The following PKN2 variants were observed in gnomAD, a reference collection of about 807,000 sequenced individuals.
PKN2 encodes protein kinase N2.
Under a neutral mutation model 119.1 loss-of-function variants are expected in PKN2, and 38 were observed. The ratio of observed to expected loss-of-function variants is 0.32; its 90% CI spans 0.25 to 0.42. PKN2 has a LOEUF of 0.42. Ranked by LOEUF, PKN2 falls within the 10% of genes least tolerant of loss-of-function variation. The pLI is 1.00. For missense variants in PKN2, 850 were observed against 1,165.1 expected (o/e 0.73, Z 3.94); for synonymous variants, 390 against 384.9 (o/e 1.01, Z -0.15).
chr1:88,728,700 G>A (rs1667998669), intron 1 of PKN2, among the ~76,000 whole-genome samples: 2 of 152,066 alleles, frequency 1.3e-5, no homozygotes, highest in Admixed American at 1.3e-4. Flanking sequence ...GATGGTAGAT[G>A]GTAGGAGCCA....
intron 1 of PKN2, among the ~76,000 whole-genome samples, chr1:88,734,515 G>T (rs191867382): frequency 6.6e-6 from 1 of 152,240 alleles, no homozygotes; most frequent in Non-Finnish European, 1.5e-5. Context: ...GTAGATAGAT[G>T]ATTTATTTCT....
intron 8 of PKN2, 142 bp downstream of exon 8, chr1:88,786,355 A>G (rs1018728475): frequency 3.7e-6 from 2 of 546,816 alleles, no homozygotes; most frequent in East Asian, 5.9e-5. Context: ...TTCTTATTCA[A>G]TGAGTTATGC....
At chr1:88,754,035 C>T (rs1290476982) in intron 2 of PKN2, among the ~76,000 whole-genome samples, 1 of 152,076 alleles carries the variant, frequency 6.6e-6, no homozygotes, top group African/African-American at 2.4e-5. Flanking sequence ...CTTTGATGTT[C>T]TGAAGTTTTA....
intron 16 of PKN2, among the ~76,000 whole-genome samples, chr1:88,820,683 T>C (rs1672243511): frequency 6.6e-6 from 1 of 152,172 alleles, no homozygotes; most frequent in Non-Finnish European, 1.5e-5. Context: ...AGAATTGTTA[T>C]CTGTATGAAC....
intron 8 of PKN2, among the ~76,000 whole-genome samples, chr1:88,793,904 G>A (rs1670947800): frequency 6.6e-6 from 1 of 152,072 alleles, no homozygotes; most frequent in Admixed American, 6.6e-5. Flanking sequence ...TTTCAGTCGT[G>A]GTTGGTTTAA....
At chr1:88,719,130 G>T (rs1038277371) in intron 1 of PKN2, among the ~76,000 whole-genome samples, 6 of 152,200 alleles carry the variant, frequency 3.9e-5, no homozygotes, top group African/African-American at 1.4e-4. Flanking sequence ...CAATGGAAAG[G>T]TTGCACTTGT....
intron 16 of PKN2, 21 bp downstream of exon 16, chr1:88,813,754 T>A: frequency 6.6e-7 from 1 of 1,526,290 alleles, no homozygotes; most frequent in Non-Finnish European, 8.7e-7. Context: ...TTTAGACATT[T>A]GTCTGAGTTT....
chr1:88,686,564 T>C (rs780073213), intron 1 of PKN2, among the ~76,000 whole-genome samples: 6 of 152,082 alleles, frequency 3.9e-5, no homozygotes, highest in Non-Finnish European at 5.9e-5. Context: ...AGAATAGTTT[T>C]TATTAAGTGT....
intron 2 of PKN2, among the ~76,000 whole-genome samples, chr1:88,745,232 CT>C (rs1373496111): frequency 6.6e-6 from 1 of 152,170 alleles, no homozygotes; most frequent in African/African-American, 2.4e-5. Context: ...CTCAACACTT[CT>C]TTTCAGCATA....
At chr1:88,703,529 T>G (rs1366708165) in intron 1 of PKN2, among the ~76,000 whole-genome samples, 1 of 152,212 alleles carries the variant, frequency 6.6e-6, no homozygotes, top group African/African-American at 2.4e-5. Flanking sequence ...AAACTAGGTC[T>G]GTCTAAATCC....
Position 88,805,598 on chromosome 1 carries a change from A to G in PKN2, c.1603A>G (p.Ser535Gly). The change falls in exon 11 of 22, where the codon AGC becomes GGC. Residue 535 changes from serine to glycine, a missense_variant. Around this residue, in one of 9 missense-constraint regions of PKN2, gnomAD observed 216 missense variants for 252.8 expected, o/e 0.85. Transcript: ENST00000370521. ...TACAGTAAATCATTCTGGCACCTTC[A>G]GCCCTCAAGCTCCTGTGCCTACTAC... ...IPTVNHSGTF[S>G]PQAPVPTTVP... 2 of 1,614,140 alleles carry G rather than the reference A, an allele frequency of 1.2e-6. No homozygotes were observed. The highest frequency in any genetic ancestry group is 1.7e-6 in the Non-Finnish European group (2 of 1,180,002).
chr1:88,720,355 G>C (rs987439142), intron 1 of PKN2, among the ~76,000 whole-genome samples: 6 of 152,192 alleles, frequency 3.9e-5, no homozygotes, highest in African/African-American at 7.2e-5. Flanking sequence ...ATACTCGTAG[G>C]CTTCATGATT....
intron 1 of PKN2, among the ~76,000 whole-genome samples, chr1:88,728,083 A>G (rs574828356): frequency 7.0e-6 from 1 of 142,892 alleles, no homozygotes; most frequent in Admixed American, 7.3e-5. Context: ...GGAGAAGTCT[A>G]TTAAAGGAAA....
At chr1:88,811,313 T>C (rs1262099401) in intron 15 of PKN2, among the ~76,000 whole-genome samples, 1 of 152,216 alleles carries the variant, frequency 6.6e-6, no homozygotes, top group Non-Finnish European at 1.5e-5. Flanking sequence ...TTCTAAGACC[T>C]TGGTTTTATT....
intron 1 of PKN2, among the ~76,000 whole-genome samples, chr1:88,730,054 A>G (rs1222882201): frequency 6.6e-6 from 1 of 151,644 alleles, no homozygotes; most frequent in Non-Finnish European, 1.5e-5. Context: ...AGTCCCAGCT[A>G]CTCCGGAGGC....
At chr1:88,721,609 T>C (rs1306821604) in intron 1 of PKN2, among the ~76,000 whole-genome samples, 2 of 152,210 alleles carry the variant, frequency 1.3e-5, no homozygotes, top group Admixed American at 6.5e-5. Flanking sequence ...TTTTTGAAGT[T>C]ACTTAAATTT....
At position 88,818,966 on chromosome 1, in the gene PKN2, T is replaced by G. The variant is rs1379305613; in HGVS notation, c.2280-2975T>G. On this transcript the variant is annotated intron_variant, in intron 16 of 21. Coordinates refer to ENST00000370521, the MANE Select transcript of PKN2 (RefSeq NM_006256.4). ...ATTTAATAAATGGTGTTGGGAAAAC[T>G]GGCTAGCCATATGCGGGGAACTGAA... is the stretch of plus-strand genomic sequence containing the variant. Among the ~76,000 whole-genome samples the G allele has an allele frequency of 2.8e-5, 4 of 143,568 alleles. No individual in the cohort carries two copies. The South Asian group carries it at 6.3e-4, about 23-fold the overall frequency. The allele number at this position is 143,568 out of a possible 152,430, so 94.2% of individuals were successfully genotyped here.
rs190970840 is a variant in PKN2, at chr1:88,743,645, A to T, written c.349+2357A>T. Among the ~76,000 whole-genome samples, 362 of 152,304 alleles carry T rather than the reference A, an allele frequency of 2.4e-3. 3 individuals are homozygous for T. The highest frequency in any genetic ancestry group is 8.6e-3 in the African/African-American group (357 of 41,590). On this transcript the variant is annotated intron_variant, in intron 2 of 21. Coordinates refer to ENST00000370521, the MANE Select transcript of PKN2 (RefSeq NM_006256.4). ...CTGTCTCCTCCTTGAAGGGAGGGAC[A>T]TGTGTTCACTCATCTATTTTCAAGG...
chr1:88,694,286 C>T (rs1171961541), intron 1 of PKN2, among the ~76,000 whole-genome samples: 1 of 152,184 alleles, frequency 6.6e-6, no homozygotes, highest in African/African-American at 2.4e-5. Context: ...ATCCTTCCCT[C>T]TCCTCCATCC....
Sources: allele counts gnomAD v4.1 joint callset (sites outside exome capture counted in the v4.1 genomes callset), GRCh38; gene constraint gnomAD v4.1.1; regional missense constraint gnomAD v4.1.1; transcripts MANE v1.5; gene names NCBI Gene and HGNC (gene_info 2026-07-23, HGNC 2026-07-21).